TRIM44: variants seen among roughly 807,000 people sequenced by gnomAD.
TRIM44 encodes the protein tripartite motif-containing protein 44.
Under a neutral mutation model 37.4 loss-of-function variants are expected in TRIM44, and 13 were observed. The observed-to-expected ratio is 0.35, with a 90% CI of 0.23 to 0.55. The LOEUF (loss-of-function observed/expected upper bound fraction) is 0.55. TRIM44 is among the 20% of genes least tolerant of loss of function. The probability of loss-of-function intolerance (pLI) is 0.89; values close to 1 mark genes in which losing one functional copy is unlikely to be tolerated. For missense variants in TRIM44, 426 were observed against 437.2 expected, an observed-to-expected ratio of 0.97 and a Z score of 0.23; for synonymous variants, 175 against 157.2, an observed-to-expected ratio of 1.11 and a Z score of -0.85.
At chr11:35,782,279 T>C (rs1339382231) in intron 4 of TRIM44, among the ~76,000 whole-genome samples, 1 of 152,122 alleles carries the variant, frequency 6.6e-6, no homozygotes, top group African/African-American at 2.4e-5. Flanking sequence ...AGGACATATA[T>C]AAATTAGCCA....
chr11:35,720,542 C>T (rs1348748462), intron 2 of TRIM44, among the ~76,000 whole-genome samples: 1 of 151,084 alleles, frequency 6.6e-6, no homozygotes, highest in Non-Finnish European at 1.5e-5. Flanking sequence ...CTTTTCTTGA[C>T]TTGCTGCGTA....
intron 4 of TRIM44, among the ~76,000 whole-genome samples, chr11:35,803,682 A>C (rs1284213007): frequency 3.3e-5 from 5 of 152,152 alleles, no homozygotes; most frequent in Non-Finnish European, 5.9e-5. Flanking sequence ...GATCGCACTG[A>C]TGCACTCCAG....
At chr11:35,698,022 T>C (rs1851728919) in intron 2 of TRIM44, among the ~76,000 whole-genome samples, 1 of 151,414 alleles carries the variant, frequency 6.6e-6, no homozygotes, top group Non-Finnish European at 1.5e-5. Context: ...CCCTGAGGAA[T>C]CACCACACTG....
rs548230241 is a variant in TRIM44, at chr11:35,720,767, G to T, written c.748-5157G>T. 1.8e-3 allele frequency among the ~76,000 whole-genome samples: 280 copies of T among 152,096 alleles called. 2 individuals are homozygous for T. Among genetic ancestry groups the T allele is most frequent in the African/African-American group, 6.5e-3 (269 of 41,502 alleles). On this transcript the variant is annotated intron_variant, in intron 2 of 4. Coordinates refer to ENST00000299413, the MANE Select transcript of TRIM44 (RefSeq NM_017583.6). ...TTATAATAAATGAGTGTTGAGTTTT[G>T]TCAGGTGATTTTTCTGTATCTATTG... is the stretch of plus-strand genomic sequence containing the variant.
At chr11:35,741,288 A>G (rs758143190) in intron 4 of TRIM44, among the ~76,000 whole-genome samples, 2 of 152,156 alleles carry the variant, frequency 1.3e-5, no homozygotes, top group Non-Finnish European at 2.9e-5. Flanking sequence ...AGGATTGTTT[A>G]TCCCTCACTT....
intron 3 of TRIM44, among the ~76,000 whole-genome samples, chr11:35,733,516 T>G (rs1372554993): frequency 6.6e-6 from 1 of 152,170 alleles, no homozygotes; most frequent in African/African-American, 2.4e-5. Flanking sequence ...ATGATAAAAA[T>G]GCGAAGAAAT....
rs1356972790 is a variant in TRIM44, at chr11:35,810,015, C to A, written c.*3630C>A. ...CATATAGTTGGGGCTTAGGTACTTG[C>A]TTACAGGAAGAGCAATTCCCTAGCA... On this transcript the variant is annotated 3_prime_UTR_variant, in exon 5 of 5. Coordinates refer to ENST00000299413, the MANE Select transcript of TRIM44 (RefSeq NM_017583.6). The A allele has an allele frequency of 6.6e-6, 1 of 152,116 alleles. No individual in the cohort carries two copies. The highest frequency in any genetic ancestry group is 2.4e-5 in the African/African-American group (1 of 41,418). 9.4% of individuals were successfully genotyped at this position (152,116 alleles called of 1,614,324 possible). A position where few individuals can be genotyped will look rare whatever the true frequency, so the allele number is the denominator to read the frequency against.
intron 2 of TRIM44, among the ~76,000 whole-genome samples, chr11:35,724,800 G>A (rs1005455162): frequency 1.3e-5 from 2 of 152,214 alleles, no homozygotes; most frequent in African/African-American, 2.4e-5. Context: ...TGGCAAGGGT[G>A]TAGGAAAATG....
In TRIM44 at chr11:35,663,233, G is replaced by A; in HGVS notation, c.122G>A (p.Cys41Tyr). 1 of 1,608,182 alleles carries A rather than the reference G, an allele frequency of 6.2e-7. No individual in the cohort carries two copies. Among genetic ancestry groups the A allele is most frequent in the Non-Finnish European group, 8.5e-7 (1 of 1,175,792 alleles). ...EVCRECGFCY[C>Y]RRHAEAHRQK... is the part of the protein sequence containing the mutation. ...TGCCGAGAATGCGGCTTCTGCTACT[G>A]CCGCCGCCATGCCGAGGCGCACAGG... The change falls in exon 1 of 5, where the codon TGC becomes TAC. Residue 41 changes from cysteine (C) to tyrosine (Y), a missense_variant. Coordinates refer to ENST00000299413, the MANE Select transcript of TRIM44 (RefSeq NM_017583.6).
chr11:35,663,062 A>C lies in TRIM44; in HGVS notation c.-50A>C. On this transcript the variant is annotated 5_prime_UTR_variant, in exon 1 of 5. Transcript: ENST00000299413. ...GAGGAAGTGAGGCCGCGCGGAAGGAAGGCGGCGAGCCCCGGGGCCCCGAGG... is the reference window on the plus strand; with the variant it reads ...GAGGAAGTGAGGCCGCGCGGAAGGACGGCGGCGAGCCCCGGGGCCCCGAGG... The C allele has an allele frequency of 6.8e-7, 1 of 1,471,514 alleles. No individual in the cohort carries two copies. The allele number at this position is 1,471,514 out of a possible 1,614,324, so 91.2% of individuals were successfully genotyped here. A position where few individuals can be genotyped will look rare whatever the true frequency, so the allele number is the denominator to read the frequency against.
intron 2 of TRIM44, among the ~76,000 whole-genome samples, chr11:35,685,756 C>T (rs1403991848): frequency 2.6e-5 from 4 of 152,218 alleles, no homozygotes; most frequent in East Asian, 3.9e-4. Context: ...CTCCGCCTGC[C>T]GGGTCCAAGC....
At chr11:35,729,590 A>G (rs1852227492) in intron 3 of TRIM44, among the ~76,000 whole-genome samples, 1 of 152,194 alleles carries the variant, frequency 6.6e-6, no homozygotes, top group Non-Finnish European at 1.5e-5. Context: ...CCTGCCCTGT[A>G]GTAATGATTT....
At chr11:35,754,411 T>A (rs1852600114) in intron 4 of TRIM44, among the ~76,000 whole-genome samples, 1 of 152,178 alleles carries the variant, frequency 6.6e-6, no homozygotes, top group African/African-American at 2.4e-5. Flanking sequence ...TGTCTCCCCT[T>A]TATCTGTACA....
chr11:35,669,076 T>C (rs1851363255), intron 1 of TRIM44, among the ~76,000 whole-genome samples: 1 of 152,210 alleles, frequency 6.6e-6, no homozygotes, highest in Non-Finnish European at 1.5e-5. Flanking sequence ...TTTTTATTTC[T>C]TTTTGTGCTG....
rs1391336511 is a variant in TRIM44 at position 35,815,877 on chromosome 11, C to T, written c.*9492C>T. ...CCCCTCTGAATAGCCAAGTCATGGG[C>T]TTGTTTGCTTTCAGTCACTGCCTTC... On this transcript the variant is annotated 3_prime_UTR_variant, in exon 5 of 5. Coordinates refer to ENST00000299413, the MANE Select transcript of TRIM44 (RefSeq NM_017583.6). 1 of 152,208 alleles carries T rather than the reference C, an allele frequency of 6.6e-6. No individual in the cohort carries two copies. Among genetic ancestry groups the T allele is most frequent in the African/African-American group, 2.4e-5 (1 of 41,460 alleles). The allele number at this position is 152,208 out of a possible 1,614,324, so 9.4% of individuals were successfully genotyped here.
chr11:35,685,184 T>A, intron 1 of TRIM44, 75 bp from the exon 2 acceptor site: 1 of 1,268,494 alleles, frequency 7.9e-7, no homozygotes, highest in Non-Finnish European at 1.1e-6. Context: ...TATTTCATTG[T>A]CTTCCAAAAT....
At chr11:35,681,887 A>G (rs550129300) in intron 1 of TRIM44, among the ~76,000 whole-genome samples, 11 of 151,050 alleles carry the variant, frequency 7.3e-5, no homozygotes, top group Non-Finnish European at 1.3e-4. Context: ...GTTTGGGGAT[A>G]CTCAGACTCA....
chr11:35,701,531 C>T (rs565738046), intron 2 of TRIM44, among the ~76,000 whole-genome samples: 1 of 152,112 alleles, frequency 6.6e-6, no homozygotes, highest in Non-Finnish European at 1.5e-5. Flanking sequence ...AGAAAGTACT[C>T]ATTCCCTAAG....
intron 1 of TRIM44, among the ~76,000 whole-genome samples, chr11:35,673,465 T>C (rs1295980023): frequency 5.3e-5 from 8 of 152,234 alleles, no homozygotes; most frequent in Non-Finnish European, 1.2e-4. Flanking sequence ...TTGAATGTGT[T>C]GTTAGCATAG....
Sources: allele counts gnomAD v4.1 joint callset (sites outside exome capture counted in the v4.1 genomes callset), GRCh38; gene constraint gnomAD v4.1.1; transcripts MANE v1.5; gene names NCBI Gene and HGNC (gene_info 2026-07-23, HGNC 2026-07-21).